The following TMC1 variants were observed in gnomAD, a reference collection of about 807,000 sequenced individuals.
The protein encoded by TMC1 is transmembrane channel-like protein 1.
TMC1 carries 84 observed loss-of-function variants against 105.8 expected under a neutral mutation model. The observed-to-expected ratio is 0.79, with a 90% CI of 0.67 to 0.95. The LOEUF (loss-of-function observed/expected upper bound fraction) is 0.95, where lower values mean the gene tolerates loss of function less well. Among genes scored for constraint, TMC1 ranks in the 40% least tolerant of loss-of-function variants. TMC1 has a pLI of 0.00. For synonymous variants in TMC1, 315 were observed against 311.5 expected (o/e 1.01, Z -0.12); for missense variants, 817 against 914.1 (o/e 0.89, Z 1.37).
intron 1 of TMC1, among the ~76,000 whole-genome samples, chr9:72,543,466 T>A (rs1360958599): frequency 2.6e-5 from 4 of 152,214 alleles, no homozygotes; most frequent in Admixed American, 1.3e-4. Flanking sequence ...TTTTCTGCAA[T>A]GCAGCCAGAA....
chr9:72,554,585 T>G (rs895465357), intron 1 of TMC1, among the ~76,000 whole-genome samples: 1 of 152,184 alleles, frequency 6.6e-6, no homozygotes, highest in Non-Finnish European at 1.5e-5. Context: ...AGAGTAACAG[T>G]GCACTGAGAA....
In TMC1 at chr9:72,547,118, C is replaced by A. The variant is rs554205055; in HGVS notation, c.-428+25205C>A. 5.2e-3 allele frequency among the ~76,000 whole-genome samples: 796 copies of A among 152,200 alleles called. 6 individuals carry two copies. The highest frequency in any genetic ancestry group is 7.2e-3 in the Non-Finnish European group (492 of 68,010). ...CCTGGCCAACATGGTGAAACCTCGTCTCTACTGAAAATACAAAAATCAGCT... is the reference window on the plus strand; with the variant it reads ...CCTGGCCAACATGGTGAAACCTCGTATCTACTGAAAATACAAAAATCAGCT... On this transcript the variant is annotated intron_variant, in intron 1 of 23. Transcript: ENST00000297784.
intron 3 of TMC1, among the ~76,000 whole-genome samples, chr9:72,619,809 TTTAA>T (rs146533760): frequency 0.028 from 4,174 of 151,062 alleles, 71 homozygotes; most frequent in Admixed American, 0.04. Context: ...ATTTAACTTA[TTTAA>T]TTAATTAATT....
At chr9:72,648,778 T>C in intron 5 of TMC1, 114 bp downstream of exon 5, 1 of 914,286 alleles carries the variant, frequency 1.1e-6, no homozygotes, top group Non-Finnish European at 1.8e-6. Context: ...TTTTGGGGCT[T>C]TCCCTTTTTC....
chr9:72,798,976 A>C (rs959666706), intron 17 of TMC1, among the ~76,000 whole-genome samples: 117 of 152,184 alleles, frequency 7.7e-4, no homozygotes, highest in African/African-American at 2.7e-3. Context: ...TTTGTAAATA[A>C]CCCCAGCCCA....
chr9:72,746,703 A>G (rs1474283098), intron 10 of TMC1, among the ~76,000 whole-genome samples: 1 of 152,224 alleles, frequency 6.6e-6, no homozygotes, highest in East Asian at 1.9e-4. Context: ...TCTTGATTCC[A>G]GTAAGACCTA....
chr9:72,742,627 GAAACAAACAAAC>G, intron 10 of TMC1, 102 bp downstream of exon 10: 3 of 978,196 alleles, frequency 3.1e-6, no homozygotes, highest in Non-Finnish European at 3.2e-6. Context: ...GGGAAGACTA[GAAACAAACAAAC>G]AAACAAACAA....
intron 1 of TMC1, among the ~76,000 whole-genome samples, chr9:72,557,014 C>T (rs761048562): frequency 1.3e-5 from 2 of 152,026 alleles, no homozygotes; most frequent in Non-Finnish European, 2.9e-5. Context: ...ACAGGACAGC[C>T]CCTGACAGCA....
At chr9:72,703,167 C>T (rs1049494821) in intron 8 of TMC1, among the ~76,000 whole-genome samples, 1 of 151,862 alleles carries the variant, frequency 6.6e-6, no homozygotes, top group African/African-American at 2.4e-5. Flanking sequence ...AACTCTGTTG[C>T]CCATGCTGGA....
At chr9:72,598,796 G>A (rs1009029333) in intron 2 of TMC1, among the ~76,000 whole-genome samples, 2 of 152,170 alleles carry the variant, frequency 1.3e-5, no homozygotes, top group African/African-American at 2.4e-5. Context: ...TTCTTCTCAT[G>A]GGAGGGGGAG....
intron 21 of TMC1, 120 bp from the exon 22 acceptor site, chr9:72,830,331 G>T (rs747626186): frequency 1.2e-5 from 9 of 753,690 alleles, no homozygotes; most frequent in Non-Finnish European, 1.8e-5. Context: ...ATTTAGAGTA[G>T]AAGATAGCTT....
rs187784005 is a variant in TMC1, at chr9:72,743,386, A to T, written c.535+861A>T. Reference sequence around the variant, plus strand: ...CGTCTCACAAAAAAAAAAAAATAAAAAAAATAAAAAATAAAAATAAAAGTA... The same window carrying T: ...CGTCTCACAAAAAAAAAAAAATAAATAAAATAAAAAATAAAAATAAAAGTA... On this transcript the variant is annotated intron_variant, in intron 10 of 23. Transcript: ENST00000297784. Among the ~76,000 whole-genome samples, 572 of 150,348 alleles carry T rather than the reference A, an allele frequency of 3.8e-3. 4 individuals are homozygous for T. The highest frequency in any genetic ancestry group is 0.013 in the African/African-American group (536 of 41,238).
chr9:72,716,413 T>C (rs1211984053), intron 8 of TMC1, among the ~76,000 whole-genome samples: 2 of 152,222 alleles, frequency 1.3e-5, no homozygotes, highest in Non-Finnish European at 2.9e-5. Flanking sequence ...GTTTTACCTA[T>C]GAGTCCCTGA....
At chr9:72,611,092 T>C (rs905854153) in intron 2 of TMC1, among the ~76,000 whole-genome samples, 3 of 152,250 alleles carry the variant, frequency 2.0e-5, no homozygotes, top group Non-Finnish European at 4.4e-5. Context: ...TATGCACCAG[T>C]TGTATGGAAA....
chr9:72,762,420 C>T (rs1827771601), intron 12 of TMC1, among the ~76,000 whole-genome samples: 1 of 152,150 alleles, frequency 6.6e-6, no homozygotes, highest in Admixed American at 6.5e-5. Flanking sequence ...GGCTCCTCCA[C>T]TTTAGATCAT....
chr9:72,833,373 C>G (rs1213813335), intron 23 of TMC1, among the ~76,000 whole-genome samples: 1 of 152,118 alleles, frequency 6.6e-6, no homozygotes, highest in African/African-American at 2.4e-5. Flanking sequence ...TCAATATATT[C>G]AGACATATTG....
At chr9:72,545,676 T>C (rs542930015) in intron 1 of TMC1, among the ~76,000 whole-genome samples, 8 of 151,876 alleles carry the variant, frequency 5.3e-5, no homozygotes, top group Non-Finnish European at 1.0e-4. Context: ...TTAGTAGAGA[T>C]AGGGTTTCAC....
chr9:72,715,020 A>G (rs1319983387), intron 8 of TMC1, among the ~76,000 whole-genome samples: 1 of 152,168 alleles, frequency 6.6e-6, no homozygotes, highest in Admixed American at 6.5e-5. Context: ...TCCTTCACTT[A>G]TGAAGCTTAG....
intron 2 of TMC1, among the ~76,000 whole-genome samples, chr9:72,589,935 G>A (rs2132104971): frequency 6.6e-6 from 1 of 152,286 alleles, no homozygotes. Context: ...ACCCACTGAT[G>A]AACTGCAGGG....
Sources: allele counts gnomAD v4.1 joint callset (sites outside exome capture counted in the v4.1 genomes callset), GRCh38; gene constraint gnomAD v4.1.1; transcripts MANE v1.5; gene names NCBI Gene and HGNC (gene_info 2026-07-23, HGNC 2026-07-21).